Variants in FBXW4 observed in about 807,000 individuals in gnomAD.
FBXW4 encodes F-box/WD repeat-containing protein 4.
Under a neutral mutation model 61.8 loss-of-function variants are expected in FBXW4, and 40 were observed. The observed-to-expected ratio is 0.65, with a 90% CI of 0.50 to 0.84. The LOEUF (loss-of-function observed/expected upper bound fraction) is 0.84. Ranked by LOEUF, FBXW4 falls within the 40% of genes least tolerant of loss-of-function variation. The probability of loss-of-function intolerance (pLI) is 0.00; values close to 1 mark genes in which losing one functional copy is unlikely to be tolerated. For synonymous variants in FBXW4, 311 were observed against 313.8 expected (o/e 0.99, Z 0.10); for missense variants, 672 against 753.8 (o/e 0.89, Z 1.27).
chr10:101,687,469 C>T (rs2064545361), intron 1 of FBXW4, among the ~76,000 whole-genome samples: 1 of 152,208 alleles, frequency 6.6e-6, no homozygotes. Context: ...TCCGGCCCAT[C>T]TGTTCTCCTC....
chr10:101,668,539 A>C (rs1422555641), intron 4 of FBXW4, among the ~76,000 whole-genome samples: 2 of 152,210 alleles, frequency 1.3e-5, no homozygotes, highest in African/African-American at 4.8e-5. Flanking sequence ...GATAATGCCC[A>C]GGATCCAATA....
chr10:101,681,330 G>A (rs1001536266), intron 1 of FBXW4, among the ~76,000 whole-genome samples: 9 of 151,404 alleles, frequency 5.9e-5, no homozygotes, highest in Non-Finnish European at 1.3e-4. Context: ...GGAGGTTGCA[G>A]TGAGCCGAGA....
intron 6 of FBXW4, among the ~76,000 whole-genome samples, chr10:101,623,915 G>A (rs952991683): frequency 2.6e-5 from 4 of 152,286 alleles, no homozygotes; most frequent in African/African-American, 9.6e-5. Flanking sequence ...AAGTTGCCAG[G>A]AATCAGGGAC....
intron 6 of FBXW4, among the ~76,000 whole-genome samples, chr10:101,617,967 C>T (rs1488088320): frequency 3.3e-5 from 5 of 152,336 alleles, no homozygotes; most frequent in Admixed American, 1.3e-4. Context: ...GGGCAGTTCC[C>T]GTAATCACCC....
At chr10:101,622,645 G>A (rs1011792864) in intron 6 of FBXW4, among the ~76,000 whole-genome samples, 1 of 148,716 alleles carries the variant, frequency 6.7e-6, no homozygotes, top group Non-Finnish European at 1.5e-5. Context: ...GGAGAATGGC[G>A]TGAACTCAGG....
rs72844617 is a variant in FBXW4, at chr10:101,612,681, C to T, written c.1302-204G>A. On this transcript the variant is annotated intron_variant, in intron 6 of 8. Transcript: ENST00000331272. ...CCTCTGCAACCAGTCCCAGGCCCCA[C>T]CCCTCCCCCAGCATCCCAGCCCTCA... Among the ~76,000 whole-genome samples the T allele has an allele frequency of 0.053, 8,006 of 151,366 alleles. 296 individuals carry two copies. Among genetic ancestry groups the T allele is most frequent in the East Asian group, 0.12 (608 of 5,096 alleles).
Position 101,611,444 on chromosome 10 carries a change from T to C in FBXW4, c.1585-34A>G, listed in dbSNP as rs770305226. The C allele has an allele frequency of 3.1e-6, 5 of 1,605,034 alleles. No individual in the cohort carries two copies. Among genetic ancestry groups the C allele is most frequent in the Middle Eastern group, 1.7e-4 (1 of 6,018 alleles). On this transcript the variant is annotated intron_variant, in intron 8 of 8. Coordinates refer to ENST00000331272, the MANE Select transcript of FBXW4 (RefSeq NM_022039.4). The surrounding 1 kb of genome is among the most constrained non-coding windows in gnomAD (Gnocchi z 4.9). ...GAGGGCACAGGAAGTGGTAAGAGCT[T>C]TCCAAGTGGGACATGGGTGTGCCCT...
chr10:101,663,527 C>G (rs1046208733), intron 5 of FBXW4, among the ~76,000 whole-genome samples: 1 of 152,048 alleles, frequency 6.6e-6, no homozygotes, highest in Non-Finnish European at 1.5e-5. Context: ...CATAGCTGCT[C>G]ACACCTGTAA....
chr10:101,649,381 C>G (rs2064127671), intron 5 of FBXW4, among the ~76,000 whole-genome samples: 1 of 152,138 alleles, frequency 6.6e-6, no homozygotes, highest in Non-Finnish European at 1.5e-5. Context: ...ACCATTATCA[C>G]ATCCATACAC....
intron 5 of FBXW4, chr10:101,660,365 A>G (rs1259301441): frequency 3.3e-6 from 2 of 613,694 alleles, no homozygotes; most frequent in Non-Finnish European, 4.1e-6. Context: ...CAGGCCATGA[A>G]AGGTCCCTGC....
At chr10:101,652,740 A>C (rs1484815689) in intron 5 of FBXW4, among the ~76,000 whole-genome samples, 1 of 152,206 alleles carries the variant, frequency 6.6e-6, no homozygotes, top group Non-Finnish European at 1.5e-5. Context: ...ATCAATCAGA[A>C]TAGGGAAAAG....
chr10:101,642,976 C>T (rs772591522), intron 5 of FBXW4, among the ~76,000 whole-genome samples: 2 of 152,202 alleles, frequency 1.3e-5, no homozygotes, highest in Admixed American at 1.3e-4. Flanking sequence ...AGGTCAACTT[C>T]CCTCCCTGCC....
At chr10:101,693,494 T>G (rs1025395139) in intron 1 of FBXW4, among the ~76,000 whole-genome samples, 1 of 152,238 alleles carries the variant, frequency 6.6e-6, no homozygotes, top group African/African-American at 2.4e-5. Flanking sequence ...AGCAATTATA[T>G]GTGCAACTGA....
At chr10:101,635,167 T>A (rs1589750648) in intron 5 of FBXW4, among the ~76,000 whole-genome samples, 1 of 149,456 alleles carries the variant, frequency 6.7e-6, no homozygotes, top group East Asian at 1.9e-4. Context: ...CAAACCCTAT[T>A]GTGAACTGCA....
At chr10:101,632,691 C>T (rs1036854884) in intron 5 of FBXW4, among the ~76,000 whole-genome samples, 1 of 152,176 alleles carries the variant, frequency 6.6e-6, no homozygotes, top group Non-Finnish European at 1.5e-5. Context: ...TTGGGAGCTG[C>T]AGGGAGAAGA....
At chr10:101,678,589 C>T (rs565795333) in intron 1 of FBXW4, among the ~76,000 whole-genome samples, 30 of 152,292 alleles carry the variant, frequency 2.0e-4, no homozygotes, top group African/African-American at 7.0e-4. Flanking sequence ...CCACACCCAG[C>T]TAATTTTTTT....
intron 1 of FBXW4, among the ~76,000 whole-genome samples, chr10:101,692,746 C>CAAA (rs61631625): frequency 2.0e-3 from 170 of 83,868 alleles, no homozygotes; most frequent in East Asian, 2.5e-3. Context: ...AACTCCGTCT[C>CAAA]AAAAAAAAAA....
At chr10:101,664,249 G>A (rs2064274427) in intron 5 of FBXW4, among the ~76,000 whole-genome samples, 1 of 152,188 alleles carries the variant, frequency 6.6e-6, no homozygotes. Context: ...AGATAAGGTA[G>A]AAAAGTCCCA....
chr10:101,640,562 G>A (rs185146449), intron 5 of FBXW4, among the ~76,000 whole-genome samples: 1 of 125,656 alleles, frequency 8.0e-6, no homozygotes, highest in South Asian at 2.8e-4. Flanking sequence ...CATGATCTTG[G>A]CTCACTGCAA....
Sources: allele counts gnomAD v4.1 joint callset (sites outside exome capture counted in the v4.1 genomes callset), GRCh38; gene constraint gnomAD v4.1.1; non-coding constraint Gnocchi (gnomAD v3.1); transcripts MANE v1.5; gene names NCBI Gene and HGNC (gene_info 2026-07-23, HGNC 2026-07-21).